BPIFC: variants seen among roughly 807,000 people sequenced by gnomAD.
BPIFC encodes BPI fold-containing family C protein.
BPIFC carries 60 observed loss-of-function variants against 57.6 expected under a neutral mutation model. That is an observed-to-expected ratio of 1.04 (90% CI 0.85 to 1.29). BPIFC has a LOEUF of 1.29. BPIFC is among the 50% of genes most tolerant of loss of function. The pLI is 0.00. For missense variants in BPIFC, 581 were observed against 600.5 expected (o/e 0.97, Z 0.34); for synonymous variants, 243 against 224.5 (o/e 1.08, Z -0.74).
In BPIFC at chr22:32,445,676, C is replaced by T; in HGVS notation, c.553G>A (p.Glu185Lys). 7.6e-7 allele frequency: 1 copy of T among 1,320,412 alleles called. No individual in the cohort carries two copies. The highest frequency in any genetic ancestry group is 1.0e-6 in the Non-Finnish European group (1 of 960,412). The allele number at this position is 1,320,412 out of a possible 1,614,324, so 81.8% of individuals were successfully genotyped here. ...TTTAAAATGGGTTTCTCCATGGGCT[C>T]AGCAAAGGAGTTATACAGAACACTG... ...ELSVLYNSFAEPMEKPILKNL... is the reference protein window; with the variant it reads ...ELSVLYNSFAKPMEKPILKNL... The change falls in exon 7 of 17, where the codon GAG becomes AAG. Residue 185 changes from glutamate to lysine, a missense_variant. Transcript: ENST00000300399.
chr22:32,429,208 T>G (rs1048250383), intron 13 of BPIFC, among the ~76,000 whole-genome samples: 10 of 125,890 alleles, frequency 7.9e-5, no homozygotes, highest in Non-Finnish European at 1.9e-4. Context: ...CTTTTTTTCT[T>G]TTTCTTTTTT....
intron 2 of BPIFC, among the ~76,000 whole-genome samples, 173 bp from the exon 3 acceptor site, chr22:32,457,559 G>GTCCATCCA (rs71320927): frequency 0.022 from 3,233 of 148,876 alleles, 130 homozygotes; most frequent in African/African-American, 0.075. Flanking sequence ...CCATCCATCC[G>GTCCATCCA]TCCATCCATC....
intron 10 of BPIFC, among the ~76,000 whole-genome samples, chr22:32,435,233 T>C (rs2145933819): frequency 6.6e-6 from 1 of 152,278 alleles, no homozygotes; most frequent in African/African-American, 2.4e-5. Flanking sequence ...TATTGGAGAT[T>C]AATCTAGAAC....
rs1223346653 is a variant in BPIFC at position 32,424,600 on chromosome 22, T to TCTTCTC, written c.1218-5197_1218-5196insGAGAAG. On this transcript the variant is annotated intron_variant, in intron 13 of 16. Coordinates refer to ENST00000300399, the MANE Select transcript of BPIFC (RefSeq NM_174932.3). ...TTCTTCTTCTTCTTCTTCTTCTTCT[T>TCTTCTC]CTCCTCCTCCTCCTCCTCCTCCTCC... is the stretch of plus-strand genomic sequence containing the variant. Among the ~76,000 whole-genome samples, 31 of 78,602 alleles carry TCTTCTC rather than the reference T, an allele frequency of 3.9e-4. 7 individuals carry two copies. The highest frequency in any genetic ancestry group is 5.7e-3 in the Middle Eastern group (1 of 176). The allele number at this position is 78,602 out of a possible 152,430, so 51.6% of individuals were successfully genotyped here.
At chr22:32,417,181 A>T in intron 14 of BPIFC, 33 bp from the exon 15 acceptor site, 1 of 1,320,932 alleles carries the variant, frequency 7.6e-7, no homozygotes, top group Non-Finnish European at 1.1e-6. Flanking sequence ...ATCAATTGGC[A>T]GATCGGGCTT....
At chr22:32,431,278 C>A in intron 13 of BPIFC, 69 bp downstream of exon 13, 1 of 1,324,338 alleles carries the variant, frequency 7.6e-7, no homozygotes, top group South Asian at 1.2e-5. Flanking sequence ...TCTTAATGGT[C>A]ACTTTGTCTC....
In BPIFC at chr22:32,435,877, C is replaced by T. The variant is rs1339282892; in HGVS notation, c.751G>A (p.Val251Ile). 1.1e-5 allele frequency: 18 copies of T among 1,610,314 alleles called. No homozygotes were observed. The highest frequency in any genetic ancestry group is 2.7e-5 in the African/African-American group (2 of 74,586). ...GTGAGGTTTTCCAGTGGGTAGAATA[C>T]ACCCTGTGGGAAAAGAGAGAGAAAG... is the stretch of plus-strand genomic sequence containing the variant. ...ENYLDLNLKG[V>I]FYPLENLTDP... The change falls in exon 10 of 17, where the codon GTA (valine) becomes ATA (isoleucine). Residue 251 changes from valine to isoleucine, a missense_variant. Coordinates refer to ENST00000300399, the MANE Select transcript of BPIFC (RefSeq NM_174932.3).
intron 15 of BPIFC, among the ~76,000 whole-genome samples, chr22:32,416,840 T>G (rs141580070): frequency 9.2e-5 from 14 of 152,184 alleles, no homozygotes; most frequent in African/African-American, 3.4e-4. Flanking sequence ...TCAACCAGAG[T>G]TGGCCGATCT....
chr22:32,461,546 T>C, intron 2 of BPIFC, 28 bp downstream of exon 2: 3 of 979,412 alleles, frequency 3.1e-6, no homozygotes, highest in Non-Finnish European at 3.6e-6. Context: ...AGTAACAGCA[T>C]CTTAACACTC....
intron 13 of BPIFC, among the ~76,000 whole-genome samples, chr22:32,429,048 G>A (rs1435072099): frequency 2.0e-5 from 3 of 151,974 alleles, no homozygotes; most frequent in Non-Finnish European, 2.9e-5. Flanking sequence ...CAGATGCAAA[G>A]CTATTTTCCT....
Position 32,453,471 on chromosome 22 carries a change from T to C in BPIFC, c.157A>G (p.Met53Val). 6.2e-7 allele frequency: 1 copy of C among 1,605,472 alleles called. No homozygotes were observed. The highest frequency in any genetic ancestry group is 1.3e-5 in the African/African-American group (1 of 74,496). ...VQAGMKMIEQMLKEKKLPDLS... is the reference protein window; with the variant it reads ...VQAGMKMIEQVLKEKKLPDLS... ...TCTGGGAGTTTCTTTTCTTTTAGCA[T>C]TTGCTCAATCATCTTCATTCCAGCT... Residue 53 changes from methionine (M) to valine (V), a missense_variant, in exon 4 of 17, where the codon ATG (methionine) becomes GTG (valine). By Grantham distance (21) the Met-to-Val change is conservative (BLOSUM62 1). Coordinates refer to ENST00000300399, the MANE Select transcript of BPIFC (RefSeq NM_174932.3).
At chr22:32,418,645 C>T (rs1166825366) in intron 14 of BPIFC, among the ~76,000 whole-genome samples, 1 of 152,100 alleles carries the variant, frequency 6.6e-6, no homozygotes, top group Non-Finnish European at 1.5e-5. Flanking sequence ...CAGTTCCGGG[C>T]TCAATAAGTA....
intron 7 of BPIFC, among the ~76,000 whole-genome samples, chr22:32,443,162 CTTT>C (rs57447537): frequency 2.2e-5 from 3 of 133,844 alleles, no homozygotes; most frequent in African/African-American, 5.5e-5. Flanking sequence ...AGAGCTGGAG[CTTT>C]TTTTTTTTTT....
chr22:32,424,642 C>CTTCT lies in BPIFC; in HGVS notation c.1218-5239_1218-5238insAGAA, dbSNP rs1556036523. On this transcript the variant is annotated intron_variant, in intron 13 of 16. Transcript: ENST00000300399. ...TCCTCCTCCTCCTCTTCTTCTTCTT[C>CTTCT]TCTTCTTCTTCTTCTTCTTCTTCTT... Among the ~76,000 whole-genome samples the CTTCT allele has an allele frequency of 3.3e-3, 96 of 28,766 alleles. 4 individuals carry two copies. Among genetic ancestry groups the CTTCT allele is most frequent in the East Asian group, 0.017 (20 of 1,156 alleles). The allele number at this position is 28,766 out of a possible 152,430, so 18.9% of individuals were successfully genotyped here.
intron 13 of BPIFC, among the ~76,000 whole-genome samples, chr22:32,424,693 C>T (rs12167695): frequency 0.041 from 1,184 of 28,846 alleles, 64 homozygotes; most frequent in Middle Eastern, 0.06. Flanking sequence ...CTTCTTCTTC[C>T]TCTTCTTCTT....
At chr22:32,459,870 T>TA (rs1292538272) in intron 2 of BPIFC, among the ~76,000 whole-genome samples, 1 of 150,334 alleles carries the variant, frequency 6.7e-6, no homozygotes, top group Non-Finnish European at 1.5e-5. Flanking sequence ...TAAAATAAAA[T>TA]AAAAAAAGAG....
rs185449737 is a variant in BPIFC at position 32,446,872 on chromosome 22, T to G, written c.374+340A>C. On this transcript the variant is annotated intron_variant, in intron 5 of 16. Transcript: ENST00000300399. ...TCACTTACTCCTGCAGATGGGGAAGTGTGTTGAATGGCTGGCTCAAGATCA... is the reference window on the plus strand; with the variant it reads ...TCACTTACTCCTGCAGATGGGGAAGGGTGTTGAATGGCTGGCTCAAGATCA... The G allele has an allele frequency of 6.8e-6, 6 of 881,340 alleles. No individual in the cohort carries two copies. In the African/African-American group the frequency reaches 7.2e-5, roughly 11 times the overall value. 54.6% of individuals were successfully genotyped at this position (881,340 alleles called of 1,614,324 possible). A position where few individuals can be genotyped will look rare whatever the true frequency, so the allele number is the denominator to read the frequency against.
At chr22:32,463,602 T>C (rs1310042202) in intron 1 of BPIFC, among the ~76,000 whole-genome samples, 1 of 152,150 alleles carries the variant, frequency 6.6e-6, no homozygotes, top group Non-Finnish European at 1.5e-5. Context: ...GAGTAATGAA[T>C]GAGTAAAATG....
intron 4 of BPIFC, among the ~76,000 whole-genome samples, chr22:32,449,416 A>G (rs5754090): frequency 0.33 from 50,048 of 152,146 alleles, 8,551 homozygotes; most frequent in East Asian, 0.57. Flanking sequence ...ATAGCTGATA[A>G]GAAACAATTA....
Sources: allele counts gnomAD v4.1 joint callset (sites outside exome capture counted in the v4.1 genomes callset), GRCh38; gene constraint gnomAD v4.1.1; transcripts MANE v1.5; gene names NCBI Gene and HGNC (gene_info 2026-07-23, HGNC 2026-07-21).